ENPP6: variants seen among roughly 807,000 people sequenced by gnomAD.
ENPP6 encodes ectonucleotide pyrophosphatase/phosphodiesterase 6, also known as glycerophosphocholine cholinephosphodiesterase ENPP6.
ENPP6 carries 32 observed loss-of-function variants against 42.0 expected under a neutral mutation model. The ratio of observed to expected loss-of-function variants is 0.76; its 90% CI spans 0.58 to 1.02. The LOEUF is 1.02. Ranked by LOEUF, ENPP6 falls within the 50% of genes least tolerant of loss-of-function variation. ENPP6 has a pLI of 0.00. For synonymous variants in ENPP6, 213 were observed against 216.0 expected (o/e 0.99, Z 0.12); for missense variants, 552 against 566.8 (o/e 0.97, Z 0.27).
rs553138362 is a variant in ENPP6 at position 184,098,856 on chromosome 4, T to C, written c.994-1488A>G. ...CATCCTTGCTAGGCAGGTTTCAATA[T>C]TACAAATATTTACTATTTCAAATGC... On this transcript the variant is annotated intron_variant, in intron 6 of 7. Coordinates refer to ENST00000296741, the MANE Select transcript of ENPP6 (RefSeq NM_153343.4). Among the ~76,000 whole-genome samples the C allele has an allele frequency of 2.0e-5, 3 of 152,306 alleles. No homozygotes were observed. In the East Asian group the frequency reaches 5.8e-4, roughly 29 times the overall value.
At chr4:184,125,645 G>C (rs191862234) in intron 2 of ENPP6, among the ~76,000 whole-genome samples, 1 of 152,096 alleles carries the variant, frequency 6.6e-6, no homozygotes, top group African/African-American at 2.4e-5. Flanking sequence ...CAAGACCTGG[G>C]TGTGTCATGA....
Position 184,122,734 on chromosome 4 carries a change from C to T in ENPP6, c.533+1427G>A, listed in dbSNP as rs556351520. On this transcript the variant is annotated intron_variant, in intron 3 of 7. Transcript: ENST00000296741. ...ATGAATGCAAAAAGGATGACATTGC[C>T]AAACAGACTGTTGGGTTATTTGGAG... is the stretch of plus-strand genomic sequence containing the variant. Among the ~76,000 whole-genome samples the T allele has an allele frequency of 2.6e-5, 4 of 152,304 alleles. No homozygotes were observed. In the East Asian group the frequency reaches 5.8e-4, roughly 22 times the overall value.
intron 1 of ENPP6, among the ~76,000 whole-genome samples, chr4:184,164,634 T>C (rs77630747): frequency 0.011 from 1,734 of 152,336 alleles, 23 homozygotes; most frequent in South Asian, 0.082. Context: ...ATTTCTGACT[T>C]CTGACCTCCG....
At chr4:184,116,777 C>T (rs1478460978) in intron 5 of ENPP6, 79 bp downstream of exon 5, 1 of 1,533,574 alleles carries the variant, frequency 6.5e-7, no homozygotes, top group African/African-American at 1.4e-5. Flanking sequence ...AACAAAAAAA[C>T]TACAAGGAAA....
chr4:184,141,433 G>C (rs1178897014), intron 2 of ENPP6, among the ~76,000 whole-genome samples: 5 of 152,256 alleles, frequency 3.3e-5, no homozygotes, highest in African/African-American at 9.6e-5. Flanking sequence ...GATCTGTGGG[G>C]AAGGCGGCAA....
At chr4:184,201,739 T>C (rs886526924) in intron 1 of ENPP6, among the ~76,000 whole-genome samples, 18 of 150,566 alleles carry the variant, frequency 1.2e-4, no homozygotes. Flanking sequence ...TAGAACACAT[T>C]TTTTTTTTTC....
intron 2 of ENPP6, among the ~76,000 whole-genome samples, chr4:184,129,257 T>C (rs1263121880): frequency 8.0e-6 from 1 of 124,792 alleles, no homozygotes; most frequent in Admixed American, 8.1e-5. Flanking sequence ...CGTGGAAAAA[T>C]GCACTGACGT....
intron 1 of ENPP6, among the ~76,000 whole-genome samples, chr4:184,217,240 T>C (rs746450296): frequency 1.3e-5 from 2 of 152,062 alleles, no homozygotes; most frequent in Non-Finnish European, 2.9e-5. Context: ...CCTGTTGCTT[T>C]TGCAGACTTG....
intron 1 of ENPP6, among the ~76,000 whole-genome samples, chr4:184,192,369 T>C (rs1016915289): frequency 6.6e-6 from 1 of 152,144 alleles, no homozygotes; most frequent in African/African-American, 2.4e-5. Flanking sequence ...CTGTCAGAAA[T>C]AGTCAATGGA....
intron 3 of ENPP6, among the ~76,000 whole-genome samples, chr4:184,123,954 C>T (rs1159122064): frequency 2.6e-5 from 4 of 152,210 alleles, no homozygotes; most frequent in Non-Finnish European, 5.9e-5. Flanking sequence ...TTCCTGCTCT[C>T]AATTCAACAT....
At chr4:184,101,583 G>A (rs1213546600) in intron 6 of ENPP6, among the ~76,000 whole-genome samples, 4 of 152,094 alleles carry the variant, frequency 2.6e-5, no homozygotes, top group East Asian at 1.9e-4. Flanking sequence ...TTTTGCTAGC[G>A]AGGTTTTGCC....
intron 1 of ENPP6, among the ~76,000 whole-genome samples, chr4:184,198,459 C>T (rs979005903): frequency 5.9e-5 from 9 of 152,150 alleles, no homozygotes; most frequent in African/African-American, 1.7e-4. Context: ...GGCCTTTAGT[C>T]CTGCTTCTCA....
At chr4:184,166,238 CG>C (rs1402651209) in intron 1 of ENPP6, among the ~76,000 whole-genome samples, 2 of 152,076 alleles carry the variant, frequency 1.3e-5, no homozygotes, top group Non-Finnish European at 2.9e-5. Flanking sequence ...ACACAGTCAT[CG>C]TTAGATTCTG....
chr4:184,207,234 T>C lies in ENPP6; in HGVS notation c.241+10345A>G, dbSNP rs921966306. On this transcript the variant is annotated intron_variant, in intron 1 of 7. Coordinates refer to ENST00000296741, the MANE Select transcript of ENPP6 (RefSeq NM_153343.4). ...TGGCAGTAAAGATAAAATTCTAGAC[T>C]GGCTTCCCCGCTACTCAGAATGTTT... Among the ~76,000 whole-genome samples, 6 of 152,376 alleles carry C rather than the reference T, an allele frequency of 3.9e-5. No individual in the cohort carries two copies. In the East Asian group the frequency reaches 9.6e-4, roughly 24 times the overall value.
At chr4:184,205,011 ACCT>A (rs1732971994) in intron 1 of ENPP6, among the ~76,000 whole-genome samples, 2 of 151,790 alleles carry the variant, frequency 1.3e-5, no homozygotes, top group African/African-American at 4.8e-5. Flanking sequence ...GCTCACTGCA[ACCT>A]CCTCCTCCTG....
At chr4:184,193,137 T>C (rs1448366768) in intron 1 of ENPP6, among the ~76,000 whole-genome samples, 4 of 152,224 alleles carry the variant, frequency 2.6e-5, no homozygotes, top group Non-Finnish European at 4.4e-5. Context: ...CTCTTACGTA[T>C]CTATTCAGGA....
At chr4:184,103,388 G>T (rs929344686) in intron 6 of ENPP6, among the ~76,000 whole-genome samples, 1 of 152,192 alleles carries the variant, frequency 6.6e-6, no homozygotes, top group Non-Finnish European at 1.5e-5. Context: ...AAAATAAAAG[G>T]TGAAACCTAT....
chr4:184,156,568 C>T (rs1737162394), intron 1 of ENPP6, among the ~76,000 whole-genome samples: 1 of 152,188 alleles, frequency 6.6e-6, no homozygotes, highest in South Asian at 2.1e-4. Context: ...GTTTTTTGGT[C>T]TCTTTGCTCA....
At chr4:184,163,780 A>C (rs1011377312) in intron 1 of ENPP6, among the ~76,000 whole-genome samples, 12 of 152,218 alleles carry the variant, frequency 7.9e-5, no homozygotes, top group Admixed American at 5.9e-4. Flanking sequence ...GTCAGGCGAC[A>C]GTGGTTGTGT....
Sources: allele counts gnomAD v4.1 joint callset (sites outside exome capture counted in the v4.1 genomes callset), GRCh38; gene constraint gnomAD v4.1.1; transcripts MANE v1.5; gene names NCBI Gene and HGNC (gene_info 2026-07-23, HGNC 2026-07-21).